The following ZNF236 variants were observed in gnomAD, a reference collection of about 807,000 sequenced individuals.
The protein encoded by ZNF236 is regulated by glucose.
ZNF236 carries 50 observed loss-of-function variants against 191.2 expected under a neutral mutation model. The ratio of observed to expected loss-of-function variants is 0.26; its 90% CI spans 0.21 to 0.33. ZNF236 has a LOEUF of 0.33. Ranked by LOEUF, ZNF236 falls within the 10% of genes least tolerant of loss-of-function variation. The probability of loss-of-function intolerance (pLI) is 1.00; values close to 1 mark genes in which losing one functional copy is unlikely to be tolerated. For missense variants in ZNF236, 1,754 were observed against 2,374.5 expected (o/e 0.74, Z 5.43); for synonymous variants, 907 against 928.8 (o/e 0.98, Z 0.43).
rs1447099942 is a variant in ZNF236, at chr18:76,925,369, A to T, written c.3842A>T (p.Lys1281Met). ...HMQFHYKPDP[K>M]KARKPMTRSS... ...CAGTTTCATTATAAACCAGACCCAA[A>T]GAAGGCCAGAAAGCCTATGACTCGA... Residue 1281 changes from lysine to methionine, a missense_variant, in exon 22 of 31, where the codon AAG (lysine) becomes ATG (methionine). Coordinates refer to ENST00000320610, the MANE Select transcript of ZNF236 (RefSeq NM_001306089.2). The surrounding 1 kb of genome is among the most constrained non-coding windows in gnomAD (Gnocchi z 5.7). The T allele has an allele frequency of 6.2e-7, 1 of 1,614,094 alleles. No individual in the cohort carries two copies. Among genetic ancestry groups the T allele is most frequent in the African/African-American group, 1.3e-5 (1 of 74,918 alleles).
At chr18:76,903,729 G>C (rs568811875) in intron 11 of ZNF236, among the ~76,000 whole-genome samples, 3 of 152,042 alleles carry the variant, frequency 2.0e-5, no homozygotes, top group African/African-American at 7.2e-5. Context: ...TAATGCAGTA[G>C]CTTGATCAAT....
intron 1 of ZNF236, among the ~76,000 whole-genome samples, chr18:76,823,981 GGGAGT>G (rs1974946061): frequency 6.6e-6 from 1 of 152,194 alleles, no homozygotes; most frequent in Non-Finnish European, 1.5e-5. Context: ...GGTTCTAAGG[GGGAGT>G]GGGCGCCTAG....
chr18:76,883,089 G>A (rs1976943235), intron 9 of ZNF236, among the ~76,000 whole-genome samples: 2 of 152,172 alleles, frequency 1.3e-5, no homozygotes, highest in African/African-American at 4.8e-5. Flanking sequence ...ACCACCCCGT[G>A]CTGCTCCTTC....
Position 76,956,368 on chromosome 18 carries a change from A to G in ZNF236, c.5112+186A>G, listed in dbSNP as rs140529765. Among the ~76,000 whole-genome samples the G allele has an allele frequency of 4.6e-5, 7 of 152,356 alleles. No individual in the cohort carries two copies. The East Asian group carries it at 1.3e-3, about 29-fold the overall frequency. On this transcript the variant is annotated intron_variant, in intron 28 of 30. Transcript: ENST00000320610. ...AGAGGTCTGCTTGCTGTACAGATGA[A>G]TTGCATGTTCACCTGCAACTCACAA...
chr18:76,932,812 C>T (rs896977753), intron 25 of ZNF236, among the ~76,000 whole-genome samples: 6 of 152,126 alleles, frequency 3.9e-5, no homozygotes, highest in African/African-American at 7.2e-5. Context: ...TGTTTGTAGG[C>T]GCAGCAGATT....
chr18:76,878,418 T>C (rs774802061), intron 7 of ZNF236, among the ~76,000 whole-genome samples: 2 of 152,238 alleles, frequency 1.3e-5, no homozygotes, highest in Non-Finnish European at 2.9e-5. Flanking sequence ...TACAGTGTTA[T>C]TGATGATTAT....
In ZNF236 at chr18:76,922,199, T is replaced by G. The variant is rs1321456256; in HGVS notation, c.3558-872T>G. Reference sequence around the variant, plus strand: ...GACCCCTCCCGACGAACACTGAGTTTCCACGCTTGGTGACTGGCAGGGCGC... The same window carrying G: ...GACCCCTCCCGACGAACACTGAGTTGCCACGCTTGGTGACTGGCAGGGCGC... On this transcript the variant is annotated intron_variant, in intron 20 of 30. Transcript: ENST00000320610. 3.3e-5 allele frequency among the ~76,000 whole-genome samples: 5 copies of G among 152,326 alleles called. No homozygotes were observed. The East Asian group carries it at 7.7e-4, about 24-fold the overall frequency.
At chr18:76,923,981 A>G (rs1294010606) in intron 21 of ZNF236, among the ~76,000 whole-genome samples, 1 of 152,176 alleles carries the variant, frequency 6.6e-6, no homozygotes, top group East Asian at 1.9e-4. Flanking sequence ...AGACTAATTT[A>G]CATTCTTCAT....
At chr18:76,829,464 A>C (rs1257539975) in intron 1 of ZNF236, among the ~76,000 whole-genome samples, 1 of 151,822 alleles carries the variant, frequency 6.6e-6, no homozygotes, top group Non-Finnish European at 1.5e-5. Flanking sequence ...AGTACCTGGC[A>C]CTACACCCTC....
chr18:76,959,989 CTT>C (rs1341051019), intron 29 of ZNF236, among the ~76,000 whole-genome samples, 173 bp downstream of exon 29: 1 of 152,160 alleles, frequency 6.6e-6, no homozygotes, highest in Non-Finnish European at 1.5e-5. Context: ...TCATAACTAA[CTT>C]TTCACATGGA....
At chr18:76,827,052 A>G (rs1470620652) in intron 1 of ZNF236, among the ~76,000 whole-genome samples, 1 of 151,776 alleles carries the variant, frequency 6.6e-6, no homozygotes, top group Non-Finnish European at 1.5e-5. Context: ...ATGCGCCACT[A>G]TGCCCAGCTA....
intron 1 of ZNF236, among the ~76,000 whole-genome samples, chr18:76,841,313 T>C (rs1975493871): frequency 1.3e-5 from 2 of 152,312 alleles, no homozygotes; most frequent in South Asian, 4.1e-4. Flanking sequence ...CCTCAGATGA[T>C]CCACCTGCCT....
intron 13 of ZNF236, among the ~76,000 whole-genome samples, chr18:76,908,092 C>A (rs940778209): frequency 6.6e-6 from 1 of 152,120 alleles, no homozygotes; most frequent in African/African-American, 2.4e-5. Flanking sequence ...ATCCTCCGTT[C>A]GTGCCTTGTG....
chr18:76,904,730 G>C (rs535687310), intron 12 of ZNF236, among the ~76,000 whole-genome samples: 56 of 152,272 alleles, frequency 3.7e-4, no homozygotes, highest in African/African-American at 1.3e-3. Context: ...TGGAGTTTAT[G>C]TATATGCTCA....
chr18:76,863,677 C>T (rs1976309570), intron 3 of ZNF236, among the ~76,000 whole-genome samples: 1 of 151,912 alleles, frequency 6.6e-6, no homozygotes. Context: ...ATCCTCCCAC[C>T]TCTGCCTCCA....
chr18:76,947,457 C>A, intron 26 of ZNF236, 64 bp from the exon 27 acceptor site: 2 of 1,570,098 alleles, frequency 1.3e-6, no homozygotes, highest in Non-Finnish European at 1.7e-6. Flanking sequence ...CATAAAAGAT[C>A]TTTTAAATTA....
chr18:76,849,453 C>T (rs1370531934), intron 1 of ZNF236, 73 bp from the exon 2 acceptor site: 4 of 1,287,406 alleles, frequency 3.1e-6, no homozygotes, highest in Non-Finnish European at 4.2e-6. Flanking sequence ...AAACAATAAC[C>T]AATAATTTGG....
chr18:76,927,560 C>G lies in ZNF236; in HGVS notation c.4414+43C>G. ...TTGCTTATTTTGACAGCTGGAGTTT[C>G]AGTTTCTTGCTTGTGATTACATATT... On this transcript the variant is annotated intron_variant, in intron 24 of 30. Transcript: ENST00000320610. The surrounding 1 kb of genome is among the most constrained non-coding windows in gnomAD (Gnocchi z 5.4). The G allele has an allele frequency of 6.3e-7, 1 of 1,581,390 alleles. No homozygotes were observed. The highest frequency in any genetic ancestry group is 8.6e-7 in the Non-Finnish European group (1 of 1,163,556).
chr18:76,884,210 G>T (rs567658335), intron 9 of ZNF236, among the ~76,000 whole-genome samples: 22 of 151,872 alleles, frequency 1.4e-4, no homozygotes, highest in Non-Finnish European at 3.1e-4. Flanking sequence ...GACCAGCCTG[G>T]ACAACATGGT....
Sources: gnomAD v4.1 joint callset for allele counts (sites outside exome capture counted in the v4.1 genomes callset) on GRCh38, gnomAD v4.1.1 for gene constraint, Gnocchi (gnomAD v3.1) non-coding constraint, MANE v1.5 for transcripts, NCBI Gene and HGNC (gene_info 2026-07-23, HGNC 2026-07-21) for gene names.